Variants in FOXP4 observed in about 807,000 individuals in gnomAD.
FOXP4 encodes the protein forkhead box protein P4.
In FOXP4, 25 loss-of-function variants were observed where a neutral mutation model predicts 82.6. The ratio of observed to expected loss-of-function variants is 0.30; its 90% CI spans 0.22 to 0.42. The LOEUF (loss-of-function observed/expected upper bound fraction) is 0.42, where lower values mean the gene tolerates loss of function less well. FOXP4 is among the 10% of genes least tolerant of loss of function. FOXP4 has a pLI of 1.00. For synonymous variants in FOXP4, 415 were observed against 388.2 expected, an observed-to-expected ratio of 1.07 and a Z score of -0.81; for missense variants, 785 against 900.9, an observed-to-expected ratio of 0.87 and a Z score of 1.65.
chr6:41,549,061 C>T (rs1027004389), intron 1 of FOXP4, among the ~76,000 whole-genome samples: 4 of 152,006 alleles, frequency 2.6e-5, no homozygotes, highest in African/African-American at 9.7e-5. Flanking sequence ...GTGGTTGCCC[C>T]CTCTCAGCCT....
chr6:41,549,129 C>A (rs1763851330), intron 1 of FOXP4, among the ~76,000 whole-genome samples: 1 of 152,030 alleles, frequency 6.6e-6, no homozygotes, highest in African/African-American at 2.4e-5. Context: ...ACCCTCAGGA[C>A]CCACTTTATC....
At chr6:41,556,317 C>T (rs1764271422) in intron 1 of FOXP4, among the ~76,000 whole-genome samples, 1 of 149,838 alleles carries the variant, frequency 6.7e-6, no homozygotes, top group East Asian at 2.0e-4. Flanking sequence ...CTTGGGGACT[C>T]TGTGAATGTT....
chr6:41,594,820 G>A (rs1425859099), intron 13 of FOXP4, 50 bp from the exon 14 acceptor site: 5 of 1,609,548 alleles, frequency 3.1e-6, no homozygotes, highest in Non-Finnish European at 4.2e-6. Flanking sequence ...TATCATGTTT[G>A]TGCTTGGCCA....
rs191388931 is a variant in FOXP4 at position 41,550,345 on chromosome 6, C to T, written c.-17+3478C>T. Among the ~76,000 whole-genome samples, 259 of 152,258 alleles carry T rather than the reference C, an allele frequency of 1.7e-3. 1 individual carries two copies. The highest frequency in any genetic ancestry group is 5.8e-3 in the African/African-American group (240 of 41,546). On this transcript the variant is annotated intron_variant, in intron 1 of 16. Coordinates refer to ENST00000307972, the MANE Select transcript of FOXP4 (RefSeq NM_001012426.2). ...AGATGTCAAGTACCTTGCACGGTGC[C>T]GGGTGCATGGTAGTACTGATCAAGG...
intron 3 of FOXP4, among the ~76,000 whole-genome samples, chr6:41,584,384 A>G (rs1283142908): frequency 1.3e-5 from 2 of 152,162 alleles, no homozygotes; most frequent in African/African-American, 2.4e-5. Context: ...TACTGGGGGG[A>G]ACCAGCCAAA....
chr6:41,589,530 C>G (rs1766362739), intron 9 of FOXP4, among the ~76,000 whole-genome samples: 1 of 152,196 alleles, frequency 6.6e-6, no homozygotes, highest in African/African-American at 2.4e-5. Context: ...TGGGAGGGCT[C>G]AAATGGTCAC....
chr6:41,576,897 AGG>A (rs1765518220), intron 2 of FOXP4, among the ~76,000 whole-genome samples: 1 of 152,180 alleles, frequency 6.6e-6, no homozygotes, highest in Non-Finnish European at 1.5e-5. Context: ...CTGGCTCCCA[AGG>A]GGGTCTTGAG....
Position 41,577,958 on chromosome 6 carries a change from C to T in FOXP4, c.205-28C>T, listed in dbSNP as rs1765579061. ...CTGGATCCCACCCAGCCTCCCAGGC[C>T]ATTGCTGACTCAGCCCCTGTCTTGC... On this transcript the variant is annotated intron_variant, in intron 2 of 16. Coordinates refer to ENST00000307972, the MANE Select transcript of FOXP4 (RefSeq NM_001012426.2). 5 of 1,579,456 alleles carry T rather than the reference C, an allele frequency of 3.2e-6. No homozygotes were observed. The Admixed American group carries it at 8.4e-5, about 26-fold the overall frequency.
chr6:41,568,084 C>T (rs370585043), intron 2 of FOXP4, among the ~76,000 whole-genome samples: 4 of 152,160 alleles, frequency 2.6e-5, no homozygotes, highest in South Asian at 2.1e-4. Flanking sequence ...AATGTGTGAA[C>T]GAGGCTTTTG....
intron 11 of FOXP4, 27 bp downstream of exon 11, chr6:41,590,197 C>A (rs753061448): frequency 1.6e-5 from 26 of 1,605,194 alleles, no homozygotes; most frequent in Non-Finnish European, 2.1e-5. Context: ...GGCTGCAGGG[C>A]GACAGCAGCG....
intron 7 of FOXP4, 47 bp from the exon 8 acceptor site, chr6:41,587,745 TG>T: frequency 1.5e-6 from 2 of 1,307,178 alleles, no homozygotes; most frequent in Non-Finnish European, 2.2e-6. Flanking sequence ...ACAGGGCCGC[TG>T]GGGTCTTCAG....
At chr6:41,547,912 A>C (rs1763750430) in intron 1 of FOXP4, among the ~76,000 whole-genome samples, 1 of 152,152 alleles carries the variant, frequency 6.6e-6, no homozygotes, top group African/African-American at 2.4e-5. Flanking sequence ...GAGCACAGCC[A>C]GTGGCGCTAG....
chr6:41,594,718 G>C, intron 13 of FOXP4, 152 bp from the exon 14 acceptor site: 1 of 1,179,730 alleles, frequency 8.5e-7, no homozygotes. Context: ...CCCTTTGGCT[G>C]GGTCTCCTCC....
intron 2 of FOXP4, among the ~76,000 whole-genome samples, chr6:41,571,312 C>T (rs146037566): frequency 3.1e-4 from 47 of 152,370 alleles, no homozygotes; most frequent in African/African-American, 1.1e-3. Flanking sequence ...AGGCAGAGGC[C>T]GGGCACTGCT....
intron 1 of FOXP4, among the ~76,000 whole-genome samples, chr6:41,550,567 A>T (rs183574148): frequency 4.6e-5 from 7 of 152,364 alleles, no homozygotes; most frequent in Non-Finnish European, 8.8e-5. Flanking sequence ...CAGTATAACC[A>T]GTAGGGCTTG....
rs1766515166 is a variant in FOXP4 at position 41,591,590 on chromosome 6, C to T, written c.1536+268C>T. Among the ~76,000 whole-genome samples, 1 of 152,176 alleles carries T rather than the reference C, an allele frequency of 6.6e-6. No individual in the cohort carries two copies. The highest frequency in any genetic ancestry group is 1.5e-5 in the Non-Finnish European group (1 of 68,032). On this transcript the variant is annotated intron_variant, in intron 13 of 16. Transcript: ENST00000307972. This position sits in a 1 kb window ranked among gnomAD's most constrained non-coding sequence, Gnocchi z 4.2. Reference sequence around the variant, plus strand: ...TTCTCTAGGGTACACCCCCAAGGGCCCCAAAGACGCCAGCCCCACGAGGTA... The same window carrying T: ...TTCTCTAGGGTACACCCCCAAGGGCTCCAAAGACGCCAGCCCCACGAGGTA...
chr6:41,591,352 C>T lies in FOXP4; in HGVS notation c.1536+30C>T, dbSNP rs1318221821. 2.6e-6 allele frequency: 4 copies of T among 1,540,664 alleles called. No homozygotes were observed. Among genetic ancestry groups the T allele is most frequent in the South Asian group, 2.3e-5 (2 of 85,352 alleles). The stretch of plus-strand genomic sequence containing the variant: ...AGCAGGCCCCTTCCACCTTCTGGGC[C>T]CCAGTCACCCTTGGACCTGCCATAT... On this transcript the variant is annotated intron_variant, in intron 13 of 16. Coordinates refer to ENST00000307972, the MANE Select transcript of FOXP4 (RefSeq NM_001012426.2). This position sits in a 1 kb window ranked among gnomAD's most constrained non-coding sequence, Gnocchi z 4.2.
chr6:41,585,595 A>G lies in FOXP4; in HGVS notation c.510+78A>G. The G allele has an allele frequency of 3.7e-6, 5 of 1,339,504 alleles. No individual in the cohort carries two copies. In the South Asian group the frequency reaches 5.4e-5, roughly 14 times the overall value. 83.0% of individuals were successfully genotyped at this position (1,339,504 alleles called of 1,614,324 possible). ...GGTGTCCAGAGCTGGTCAGGAGGGAATTGCCTTGCAGGAATAGTAGAAAAA... is the reference window on the plus strand; with the variant it reads ...GGTGTCCAGAGCTGGTCAGGAGGGAGTTGCCTTGCAGGAATAGTAGAAAAA... On this transcript the variant is annotated intron_variant, in intron 5 of 16. Transcript: ENST00000307972.
intron 6 of FOXP4, 28 bp from the exon 7 acceptor site, chr6:41,587,271 C>T (rs777052553): frequency 1.9e-6 from 3 of 1,610,414 alleles, no homozygotes; most frequent in Non-Finnish European, 2.5e-6. Flanking sequence ...TCGTGGGGCC[C>T]TGCCAGCCTC....
Sources: gnomAD v4.1 joint callset for allele counts (sites outside exome capture counted in the v4.1 genomes callset) on GRCh38, gnomAD v4.1.1 for gene constraint, Gnocchi (gnomAD v3.1) non-coding constraint, MANE v1.5 for transcripts, NCBI Gene and HGNC (gene_info 2026-07-23, HGNC 2026-07-21) for gene names.